Variants in ERI1 observed in about 807,000 individuals in gnomAD.
The protein encoded by ERI1 is 3'-5' exoribonuclease 1.
Under a neutral mutation model 39.7 loss-of-function variants are expected in ERI1, and 39 were observed. That is an observed-to-expected ratio of 0.98 (90% CI 0.76 to 1.28). The LOEUF (loss-of-function observed/expected upper bound fraction) is 1.28. Among genes scored for constraint, ERI1 ranks in the 50% most tolerant of loss-of-function variants. The probability of loss-of-function intolerance (pLI) is 0.00; values close to 1 mark genes in which losing one functional copy is unlikely to be tolerated. For missense variants in ERI1, 581 were observed against 416.9 expected, an observed-to-expected ratio of 1.39 and a Z score of -3.43; for synonymous variants, 204 against 149.6, an observed-to-expected ratio of 1.36 and a Z score of -2.65.
intron 3 of ERI1, among the ~76,000 whole-genome samples, chr8:9,054,303 C>T (rs1035976887): frequency 2.6e-5 from 4 of 152,212 alleles, no homozygotes; most frequent in Admixed American, 1.3e-4. Context: ...GTACCCACTT[C>T]GTCCTATTCG....
chr8:9,073,232 G>C (rs1799110180), intron 3 of ERI1, among the ~76,000 whole-genome samples: 1 of 152,212 alleles, frequency 6.6e-6, no homozygotes. Context: ...CTTTGCAGAA[G>C]GCAGTATCTT....
intron 1 of ERI1, 24 bp from the exon 2 acceptor site, chr8:9,007,931 CATCCTTTTTTTTTTT>C (rs1563307937): frequency 6.8e-7 from 1 of 1,460,056 alleles, no homozygotes; most frequent in Non-Finnish European, 9.0e-7. Context: ...TTATAAACTA[CATCCTTTTTTTTTTT>C]TTTTTTTTTT....
intron 3 of ERI1, among the ~76,000 whole-genome samples, chr8:9,087,128 A>G (rs1219364956): frequency 6.6e-6 from 1 of 151,984 alleles, no homozygotes; most frequent in African/African-American, 2.4e-5. Flanking sequence ...GGTTTGCTGC[A>G]CCCACCAACC....
downstream of ERI1, among the ~76,000 whole-genome samples, chr8:9,034,385 T>C (rs745747706): frequency 6.6e-6 from 1 of 152,254 alleles, no homozygotes; most frequent in Non-Finnish European, 1.5e-5. Context: ...ACTGAAAGTT[T>C]GTGTGAATCC....
intron 3 of ERI1, among the ~76,000 whole-genome samples, chr8:9,077,818 G>T (rs542214384): frequency 6.6e-6 from 1 of 152,048 alleles, no homozygotes; most frequent in Admixed American, 6.6e-5. Context: ...TTGCCCCTCC[G>T]CAGGTACTCT....
chr8:9,078,498 A>C (rs1006826055), intron 3 of ERI1, among the ~76,000 whole-genome samples: 8 of 152,132 alleles, frequency 5.3e-5, no homozygotes, highest in African/African-American at 1.9e-4. Flanking sequence ...AAGTTTTTTA[A>C]CCCAAAGTGC....
At chr8:9,014,862 G>A (rs1264380364) in intron 3 of ERI1, among the ~76,000 whole-genome samples, 1 of 151,996 alleles carries the variant, frequency 6.6e-6, no homozygotes, top group South Asian at 2.1e-4. Flanking sequence ...TTTTGAGATG[G>A]AGTCTTGCTT....
chr8:9,049,008 A>G (rs934061779), intron 3 of ERI1, among the ~76,000 whole-genome samples: 5 of 152,012 alleles, frequency 3.3e-5, no homozygotes, highest in South Asian at 4.1e-4. Context: ...CGAGATGTAA[A>G]TGCAGCCGTC....
chr8:9,013,603 G>A (rs2100023), intron 3 of ERI1, among the ~76,000 whole-genome samples: 152,036 of 152,184 alleles, frequency 1, 75,946 homozygotes, highest in Middle Eastern at 1. Context: ...TTCAGAAGCT[G>A]TCTCTTTGCT....
At chr8:9,039,090 T>A (rs1013688396) in intron 3 of ERI1, among the ~76,000 whole-genome samples, 1 of 152,248 alleles carries the variant, frequency 6.6e-6, no homozygotes, top group Non-Finnish European at 1.5e-5. Context: ...CGTTCTTATA[T>A]TTGGGGATGT....
chr8:9,004,684 C>CTTT (rs1279162284), intron 1 of ERI1, among the ~76,000 whole-genome samples: 1 of 126,776 alleles, frequency 7.9e-6, no homozygotes, highest in African/African-American at 2.9e-5. Context: ...AGTAATGATA[C>CTTT]TTTTTTTTTT....
intron 3 of ERI1, among the ~76,000 whole-genome samples, chr8:9,050,800 T>A (rs746709261): frequency 3.3e-4 from 51 of 152,304 alleles, no homozygotes; most frequent in Non-Finnish European, 5.6e-4. Flanking sequence ...TCCGGGCCTC[T>A]TCCTTCTTTA....
chr8:9,034,936 T>G (rs143436419), downstream of ERI1, among the ~76,000 whole-genome samples: 4 of 152,218 alleles, frequency 2.6e-5, no homozygotes, highest in East Asian at 1.9e-4. Flanking sequence ...ATTACTGATA[T>G]GGAGAAAGTT....
chr8:9,070,615 C>A (rs576129043), intron 3 of ERI1, among the ~76,000 whole-genome samples: 3 of 152,210 alleles, frequency 2.0e-5, no homozygotes. Context: ...TATTCACCCA[C>A]GGAACATTCC....
intron 2 of ERI1, among the ~76,000 whole-genome samples, chr8:9,011,029 C>T (rs1251606103): frequency 6.6e-6 from 1 of 152,100 alleles, no homozygotes; most frequent in Non-Finnish European, 1.5e-5. Context: ...ATGCTAGGCT[C>T]ATAATGCTTT....
intron 3 of ERI1, among the ~76,000 whole-genome samples, chr8:9,094,894 A>G (rs751725361): frequency 6.6e-6 from 1 of 152,176 alleles, no homozygotes; most frequent in Non-Finnish European, 1.5e-5. Context: ...GCTAGTATGT[A>G]TATGTGTTAC....
chr8:9,016,846 C>T (rs1045455138), intron 4 of ERI1, among the ~76,000 whole-genome samples: 4 of 151,412 alleles, frequency 2.6e-5, no homozygotes, highest in African/African-American at 7.3e-5. Context: ...GCCACCACAC[C>T]CGGCTAATTT....
chr8:9,067,635 A>G (rs537121904), intron 3 of ERI1, among the ~76,000 whole-genome samples: 1 of 148,900 alleles, frequency 6.7e-6, no homozygotes, highest in Admixed American at 6.9e-5. Flanking sequence ...AGGCTGAGCA[A>G]CAGAGTGAGA....
chr8:9,015,722 C>CA (rs758835506), intron 3 of ERI1, among the ~76,000 whole-genome samples: 1,665 of 56,152 alleles, frequency 0.03, 61 homozygotes, highest in East Asian at 0.091. Context: ...ACTCTGTCTC[C>CA]AAAAAAAAAA....
Sources: allele counts gnomAD v4.1 joint callset (sites outside exome capture counted in the v4.1 genomes callset), GRCh38; gene constraint gnomAD v4.1.1; transcripts MANE v1.5; gene names NCBI Gene and HGNC (gene_info 2026-07-23, HGNC 2026-07-21).